Variants in PDE4B observed in about 807,000 individuals in gnomAD.
The protein encoded by PDE4B is 3',5'-cyclic-AMP phosphodiesterase 4B.
In PDE4B, 20 loss-of-function variants were observed where a neutral mutation model predicts 82.2. The ratio of observed to expected loss-of-function variants is 0.24; its 90% CI spans 0.17 to 0.35. PDE4B has a LOEUF of 0.35. Ranked by LOEUF, PDE4B falls within the 10% of genes least tolerant of loss-of-function variation. The pLI is 1.00. For synonymous variants in PDE4B, 320 were observed against 318.9 expected (o/e 1.00, Z -0.04); for missense variants, 655 against 907.2 (o/e 0.72, Z 3.57).
At chr1:66,270,232 G>A (rs953442550) in intron 7 of PDE4B, among the ~76,000 whole-genome samples, 4 of 152,180 alleles carry the variant, frequency 2.6e-5, no homozygotes, top group African/African-American at 9.6e-5. Context: ...CAGAGAAATC[G>A]TATGAGACAT....
At chr1:66,212,891 A>T (rs566593) in intron 3 of PDE4B, among the ~76,000 whole-genome samples, 4 of 152,200 alleles carry the variant, frequency 2.6e-5, no homozygotes, top group African/African-American at 9.7e-5. Context: ...TCCTCTGGAT[A>T]CCCCTCAAAG....
At chr1:66,139,803 G>T (rs1646136337) in intron 3 of PDE4B, among the ~76,000 whole-genome samples, 1 of 148,776 alleles carries the variant, frequency 6.7e-6, no homozygotes, top group South Asian at 2.1e-4. Context: ...ATCTGCACCA[G>T]AGCCAGGTAT....
In PDE4B at chr1:66,076,318, G is replaced by A. The variant is rs72920210; in HGVS notation, c.281+157483G>A. Among the ~76,000 whole-genome samples, 1,325 of 152,218 alleles carry A rather than the reference G, an allele frequency of 8.7e-3. 20 individuals carry two copies. Among genetic ancestry groups the A allele is most frequent in the African/African-American group, 0.03 (1,242 of 41,546 alleles). On this transcript the variant is annotated intron_variant, in intron 3 of 16. Coordinates refer to ENST00000341517, the MANE Select transcript of PDE4B (RefSeq NM_002600.4). ...CTGCATTAGTTTGCTTAGAAAAATG[G>A]CCTCCAGCTGCATCTACGTTGCTGC...
intron 1 of PDE4B, among the ~76,000 whole-genome samples, chr1:65,908,843 G>A (rs1647056072): frequency 6.6e-6 from 1 of 152,140 alleles, no homozygotes; most frequent in African/African-American, 2.4e-5. Flanking sequence ...CAGAGAAGCA[G>A]AGACACTCAA....
chr1:66,233,245 T>C (rs1341135594), intron 3 of PDE4B, among the ~76,000 whole-genome samples: 1 of 152,222 alleles, frequency 6.6e-6, no homozygotes, highest in Non-Finnish European at 1.5e-5. Flanking sequence ...GTACTCTATT[T>C]ATCAGACTTA....
At chr1:66,320,482 G>A (rs1659322556) in intron 7 of PDE4B, among the ~76,000 whole-genome samples, 1 of 152,152 alleles carries the variant, frequency 6.6e-6, no homozygotes, top group African/African-American at 2.4e-5. Flanking sequence ...GAATAAATCA[G>A]TAAAAAGAAG....
intron 3 of PDE4B, among the ~76,000 whole-genome samples, chr1:66,032,476 T>A (rs1653833292): frequency 6.6e-6 from 1 of 152,196 alleles, no homozygotes; most frequent in Non-Finnish European, 1.5e-5. Context: ...CCTAAGATGC[T>A]GCACTGGTGA....
chr1:66,186,742 A>G (rs1373230228), intron 3 of PDE4B, among the ~76,000 whole-genome samples: 2 of 152,164 alleles, frequency 1.3e-5, no homozygotes, highest in South Asian at 4.1e-4. Context: ...GGCTGAGACC[A>G]TGGGGTTTTC....
At position 66,125,053 on chromosome 1, in the gene PDE4B, A is replaced by AT. The variant is rs769935733; in HGVS notation, c.282-122394dup. 9.4e-3 allele frequency among the ~76,000 whole-genome samples: 1,238 copies of AT among 132,132 alleles called. 4 individuals carry two copies. The highest frequency in any genetic ancestry group is 0.016 in the African/African-American group (553 of 35,610). The allele number at this position is 132,132 out of a possible 152,430, so 86.7% of individuals were successfully genotyped here. ...CTTGAAGTGGCATAATTACCTTACT[A>AT]TTTTTTTTTTTTTGAGACGGAGTCT... On this transcript the variant is annotated intron_variant, in intron 3 of 16. Coordinates refer to ENST00000341517, the MANE Select transcript of PDE4B (RefSeq NM_002600.4).
intron 3 of PDE4B, among the ~76,000 whole-genome samples, chr1:66,156,425 A>G (rs1646503116): frequency 6.6e-6 from 1 of 152,216 alleles, no homozygotes; most frequent in Non-Finnish European, 1.5e-5. Flanking sequence ...ATGCTCATTT[A>G]GATCAAAATC....
intron 3 of PDE4B, among the ~76,000 whole-genome samples, chr1:66,196,821 A>C (rs1295147673): frequency 7.1e-5 from 3 of 42,298 alleles, no homozygotes; most frequent in Non-Finnish European, 1.4e-4. Flanking sequence ...GGGTGGGGGG[A>C]GGGGGGAGGG....
intron 3 of PDE4B, among the ~76,000 whole-genome samples, chr1:66,081,991 A>G (rs781357755): frequency 5.3e-5 from 8 of 152,062 alleles, no homozygotes; most frequent in Non-Finnish European, 1.2e-4. Flanking sequence ...TTAGTGAAAT[A>G]CTCTTTAGAT....
intron 3 of PDE4B, among the ~76,000 whole-genome samples, chr1:65,975,597 C>T (rs12354263): frequency 6.6e-6 from 1 of 152,214 alleles, no homozygotes; most frequent in Non-Finnish European, 1.5e-5. Flanking sequence ...ACTGCAGCTC[C>T]CATTACAGGC....
At chr1:66,119,508 C>CTT (rs374334960) in intron 3 of PDE4B, among the ~76,000 whole-genome samples, 1 of 151,502 alleles carries the variant, frequency 6.6e-6, no homozygotes, top group Admixed American at 6.6e-5. Context: ...ATAATATTGT[C>CTT]TAGCATTCTC....
At chr1:66,229,445 T>C (rs1651770184) in intron 3 of PDE4B, among the ~76,000 whole-genome samples, 1 of 152,228 alleles carries the variant, frequency 6.6e-6, no homozygotes, top group Non-Finnish European at 1.5e-5. Flanking sequence ...ACAATTTTGT[T>C]CGTTTTGAGT....
chr1:66,251,222 T>G lies in PDE4B; in HGVS notation c.476+3568T>G, dbSNP rs1653748812. Among the ~76,000 whole-genome samples, 4 of 152,240 alleles carry G rather than the reference T, an allele frequency of 2.6e-5. No individual in the cohort carries two copies. In the South Asian group the frequency reaches 8.3e-4, roughly 31 times the overall value. ...TGTTAAAATACTTTACATATGTTAA[T>G]TCATTTAATCTCCATATCCCCAATG... On this transcript the variant is annotated intron_variant, in intron 4 of 16. Coordinates refer to ENST00000341517, the MANE Select transcript of PDE4B (RefSeq NM_002600.4).
chr1:66,206,815 T>C (rs1181133014), intron 3 of PDE4B, among the ~76,000 whole-genome samples: 1 of 152,190 alleles, frequency 6.6e-6, no homozygotes, highest in African/African-American at 2.4e-5. Context: ...CATGGTCCAC[T>C]AGCTCAGGAA....
chr1:66,239,878 A>G (rs1652749790), intron 3 of PDE4B, among the ~76,000 whole-genome samples: 1 of 152,270 alleles, frequency 6.6e-6, no homozygotes, highest in African/African-American at 2.4e-5. Flanking sequence ...ATCAATAAGT[A>G]AAATAATTTG....
At chr1:66,093,135 G>A (rs1645056010) in intron 3 of PDE4B, among the ~76,000 whole-genome samples, 1 of 151,986 alleles carries the variant, frequency 6.6e-6, no homozygotes, top group Non-Finnish European at 1.5e-5. Context: ...GACAGACTGT[G>A]CTCATGGACT....
Sources: gnomAD v4.1 joint callset for allele counts (sites outside exome capture counted in the v4.1 genomes callset) on GRCh38, gnomAD v4.1.1 for gene constraint, MANE v1.5 for transcripts, NCBI Gene and HGNC (gene_info 2026-07-23, HGNC 2026-07-21) for gene names.